Variants in TMBIM6 observed in about 807,000 individuals in gnomAD.
The protein encoded by TMBIM6 is bax inhibitor 1.
Under a neutral mutation model 31.4 loss-of-function variants are expected in TMBIM6, and 13 were observed. The observed-to-expected ratio is 0.41, with a 90% CI of 0.27 to 0.66. The LOEUF (loss-of-function observed/expected upper bound fraction) is 0.66, where lower values mean the gene tolerates loss of function less well. Ranked by LOEUF, TMBIM6 falls within the 30% of genes least tolerant of loss-of-function variation. The probability of loss-of-function intolerance (pLI) is 0.28; values close to 1 mark genes in which losing one functional copy is unlikely to be tolerated. For missense variants in TMBIM6, 275 were observed against 289.5 expected (o/e 0.95, Z 0.36); for synonymous variants, 85 against 101.7 (o/e 0.84, Z 0.99).
At chr12:49,742,187 G>A (rs545407808) in intron 1 of TMBIM6, 2 of 1,612,800 alleles carry the variant, frequency 1.2e-6, no homozygotes, top group African/African-American at 1.3e-5. Flanking sequence ...TTAGCCAACG[G>A]CAGAGGCGGG....
At chr12:49,759,130 C>A in intron 7 of TMBIM6, 91 bp from the exon 8 acceptor site, 1 of 1,111,622 alleles carries the variant, frequency 9.0e-7, no homozygotes, top group Non-Finnish European at 1.4e-6. Context: ...ATTTGATGTA[C>A]TTTCAAGTGA....
At chr12:49,754,448 A>C (rs986044152) in intron 3 of TMBIM6, among the ~76,000 whole-genome samples, 22 of 152,212 alleles carry the variant, frequency 1.4e-4, no homozygotes, top group Admixed American at 6.5e-5. Flanking sequence ...GTTCAATGTT[A>C]AGGAATCAAA....
intron 4 of TMBIM6, among the ~76,000 whole-genome samples, chr12:49,757,055 C>T (rs1301201607): frequency 4.0e-5 from 6 of 151,834 alleles, no homozygotes; most frequent in African/African-American, 1.5e-4. Context: ...TTAGTAGAGA[C>T]GGGGTTTCAC....
intron 1 of TMBIM6, among the ~76,000 whole-genome samples, chr12:49,746,978 G>A (rs2136931382): frequency 6.6e-6 from 1 of 152,164 alleles, no homozygotes; most frequent in South Asian, 2.1e-4. Flanking sequence ...TGGGATTACA[G>A]GCGCCCACCA....
chr12:49,755,850 T>C, intron 4 of TMBIM6, 95 bp downstream of exon 4: 3 of 1,382,178 alleles, frequency 2.2e-6, no homozygotes, highest in Non-Finnish European at 1.9e-6. Flanking sequence ...TTTTTTTTTT[T>C]TGAGACAGAG....
intron 1 of TMBIM6, among the ~76,000 whole-genome samples, chr12:49,748,155 G>A: frequency 1.3e-5 from 2 of 152,014 alleles, no homozygotes; most frequent in Non-Finnish European, 2.9e-5. Flanking sequence ...GCTTGCCTTT[G>A]CCTCCCAAAG....
chr12:49,748,292 T>A (rs1031795697), intron 1 of TMBIM6, among the ~76,000 whole-genome samples: 2 of 152,106 alleles, frequency 1.3e-5, no homozygotes, highest in African/African-American at 4.8e-5. Context: ...GTAAGGGAGA[T>A]ACCTAGAACA....
intron 1 of TMBIM6, chr12:49,742,111 T>C: frequency 8.1e-6 from 13 of 1,605,058 alleles, no homozygotes; most frequent in Non-Finnish European, 1.0e-5. Flanking sequence ...GAGCCAAGAC[T>C]CGAGGTAGGG....
chr12:49,761,794 AAC>A lies in TMBIM6; in HGVS notation c.690+16_690+17del. On this transcript the variant is annotated intron_variant, in intron 9 of 9. Transcript: ENST00000267115. The stretch of plus-strand genomic sequence containing the variant: ...TGAATGAAAAGGTTAGTTAGCCTAC[AAC>A]CCAAAGATGAGACAATAATGGCTCC... The A allele has an allele frequency of 6.2e-7, 1 of 1,613,546 alleles. No individual in the cohort carries two copies. The highest frequency in any genetic ancestry group is 8.5e-7 in the Non-Finnish European group (1 of 1,179,452).
chr12:49,752,107 T>C (rs550314968), intron 1 of TMBIM6, among the ~76,000 whole-genome samples: 4 of 152,294 alleles, frequency 2.6e-5, no homozygotes, highest in African/African-American at 7.2e-5. Context: ...GACATAAAAT[T>C]GCTTTATGTG....
chr12:49,758,184 A>G (rs369566832), intron 4 of TMBIM6, 43 bp from the exon 5 acceptor site: 2 of 1,612,014 alleles, frequency 1.2e-6, no homozygotes, highest in African/African-American at 1.3e-5. Flanking sequence ...ATCCTATTCA[A>G]GAATTGATCG....
rs57007895 is a variant in TMBIM6 at position 49,758,818 on chromosome 12, CTTTTTTT to C, written c.513+66_513+72del. On this transcript the variant is annotated intron_variant, in intron 7 of 9. Coordinates refer to ENST00000267115, the MANE Select transcript of TMBIM6 (RefSeq NM_003217.3). ...CATTTGCCTCACACTTCTTTCTTTC[CTTTTTTT>C]TTTTTTTTTGCACTTCTTTCTGTAC... 17 of 1,161,868 alleles carry C rather than the reference CTTTTTTT, an allele frequency of 1.5e-5. 1 individual carries two copies. The Admixed American group carries it at 3.7e-4, about 25-fold the overall frequency. 72.0% of individuals were successfully genotyped at this position (1,161,868 alleles called of 1,614,324 possible). A position where few individuals can be genotyped will look rare whatever the true frequency, so the allele number is the denominator to read the frequency against.
chr12:49,752,416 G>A (rs756890032), intron 1 of TMBIM6, 48 bp from the exon 2 acceptor site: 5 of 1,267,034 alleles, frequency 3.9e-6, no homozygotes, highest in South Asian at 2.9e-5. Flanking sequence ...TAAGCTGTTC[G>A]TGTGATTCTG....
At chr12:49,762,841 A>G (rs759625950) in intron 9 of TMBIM6, 32 bp from the exon 10 acceptor site, 12 of 1,610,110 alleles carry the variant, frequency 7.5e-6, no homozygotes, top group Non-Finnish European at 9.3e-6. Context: ...AAATGTCAAA[A>G]AATTAATTGG....
At position 49,753,017 on chromosome 12, in the gene TMBIM6, T is replaced by C; in HGVS notation, c.101T>C (p.Phe34Ser). The C allele has an allele frequency of 1.9e-6, 3 of 1,614,112 alleles. No individual in the cohort carries two copies. Among genetic ancestry groups the C allele is most frequent in the Non-Finnish European group, 2.5e-6 (3 of 1,179,998 alleles). ...QQHLKKVYAS[F>S]ALCMFVAAAG... ...CACCTGAAGAAGGTCTATGCAAGTTTTGCCCTTTGTATGTTTGTGGCGGCT... is the reference window on the plus strand; with the variant it reads ...CACCTGAAGAAGGTCTATGCAAGTTCTGCCCTTTGTATGTTTGTGGCGGCT... Residue 34 changes from phenylalanine (F) to serine (S), a missense_variant, in exon 3 of 10, where the codon TTT (phenylalanine) becomes TCT (serine). Physicochemically the swap from Phe to Ser is radical, Grantham distance 155. Coordinates refer to ENST00000267115, the MANE Select transcript of TMBIM6 (RefSeq NM_003217.3).
chr12:49,755,908 A>C (rs1945583033), intron 4 of TMBIM6, among the ~76,000 whole-genome samples, 153 bp downstream of exon 4: 1 of 139,670 alleles, frequency 7.2e-6, no homozygotes, highest in South Asian at 2.2e-4. Flanking sequence ...ATCTTGGCTC[A>C]CTGCAAGCTC....
At chr12:49,758,620 T>C in intron 6 of TMBIM6, 63 bp from the exon 7 acceptor site, 2 of 1,587,486 alleles carry the variant, frequency 1.3e-6, no homozygotes, top group Non-Finnish European at 1.7e-6. Flanking sequence ...AGGAATGGCT[T>C]TAATGGGATT....
chr12:49,762,986 TAATG>T lies in TMBIM6; in HGVS notation c.*93_*96del. On this transcript the variant is annotated 3_prime_UTR_variant, in exon 10 of 10. Transcript: ENST00000267115. ...ACATTACAGGTGGTGTGTTCTGTGA[TAATG>T]AAAAGCATCAGAAAAGCTTTTGTAC... 3 of 1,370,664 alleles carry T rather than the reference TAATG, an allele frequency of 2.2e-6. No individual in the cohort carries two copies. Among genetic ancestry groups the T allele is most frequent in the Non-Finnish European group, 3.0e-6 (3 of 994,494 alleles). The allele number at this position is 1,370,664 out of a possible 1,614,324, so 84.9% of individuals were successfully genotyped here.
chr12:49,746,793 A>G (rs575169588), intron 1 of TMBIM6, among the ~76,000 whole-genome samples: 44 of 151,918 alleles, frequency 2.9e-4, no homozygotes, highest in East Asian at 5.8e-4. Context: ...AGAAGAAGAA[A>G]AAAAACTACT....
Sources: gnomAD v4.1 joint callset for allele counts (sites outside exome capture counted in the v4.1 genomes callset) on GRCh38, gnomAD v4.1.1 for gene constraint, MANE v1.5 for transcripts, NCBI Gene and HGNC (gene_info 2026-07-23, HGNC 2026-07-21) for gene names.